Variants in P4HA3 observed in about 807,000 individuals in gnomAD.
The protein encoded by P4HA3 is prolyl 4-hydroxylase subunit alpha-3.
P4HA3 carries 60 observed loss-of-function variants against 66.7 expected under a neutral mutation model. The observed-to-expected ratio is 0.90, with a 90% CI of 0.73 to 1.12. P4HA3 has a LOEUF of 1.12. P4HA3 is among the 50% of genes most tolerant of loss of function. The probability of loss-of-function intolerance (pLI) is 0.00; values close to 1 mark genes in which losing one functional copy is unlikely to be tolerated. For missense variants in P4HA3, 683 were observed against 685.8 expected, an observed-to-expected ratio of 1.00 and a Z score of 0.05; for synonymous variants, 263 against 274.6, an observed-to-expected ratio of 0.96 and a Z score of 0.42.
At chr11:74,289,914 G>A (rs1860951236) in intron 4 of P4HA3, among the ~76,000 whole-genome samples, 1 of 152,160 alleles carries the variant, frequency 6.6e-6, no homozygotes, top group Non-Finnish European at 1.5e-5. Context: ...ACATGTGCAT[G>A]TGTCTTTATA....
intron 1 of P4HA3, among the ~76,000 whole-genome samples, chr11:74,306,931 G>T (rs568644548): frequency 6.6e-6 from 1 of 152,150 alleles, no homozygotes; most frequent in East Asian, 1.9e-4. Context: ...CAGCCTCCAG[G>T]GTGTGGGATC....
At chr11:74,283,594 T>C (rs1240093887) in intron 7 of P4HA3, among the ~76,000 whole-genome samples, 1 of 152,226 alleles carries the variant, frequency 6.6e-6, no homozygotes, top group Non-Finnish European at 1.5e-5. Flanking sequence ...CTCCCCGGCA[T>C]GGCATTTATA....
At chr11:74,250,978 C>A (rs1191482186) in intron 15 of P4HA3, 5 of 1,602,056 alleles carry the variant, frequency 3.1e-6, no homozygotes, top group Non-Finnish European at 4.3e-6. Flanking sequence ...CAGGTCCTAC[C>A]CCAGTGTGGC....
At chr11:74,293,578 C>A (rs1454209529) in intron 4 of P4HA3, among the ~76,000 whole-genome samples, 12 of 152,194 alleles carry the variant, frequency 7.9e-5, no homozygotes, top group Non-Finnish European at 1.5e-4. Flanking sequence ...TTTGCAGTGG[C>A]TGGTACCAGT....
chr11:74,264,183 A>G (rs779098298), downstream of P4HA3, among the ~76,000 whole-genome samples: 13 of 151,866 alleles, frequency 8.6e-5, no homozygotes, highest in Non-Finnish European at 1.5e-4. Flanking sequence ...AAGACTGGTA[A>G]GGGAGACAGA....
At chr11:74,285,641 C>T in intron 7 of P4HA3, 168 bp downstream of exon 7, 2 of 659,872 alleles carry the variant, frequency 3.0e-6, no homozygotes, top group Non-Finnish European at 5.1e-6. Flanking sequence ...GAGGCAAGCA[C>T]TATTGTGATT....
intron 3 of P4HA3, among the ~76,000 whole-genome samples, chr11:74,300,509 C>G (rs1861372859): frequency 6.6e-6 from 1 of 152,030 alleles, no homozygotes; most frequent in Non-Finnish European, 1.5e-5. Context: ...GTCCTAGCTA[C>G]TCGGGAGGCT....
intron 15 of P4HA3, chr11:74,251,008 C>T (rs763885308): frequency 1.3e-5 from 20 of 1,596,510 alleles, no homozygotes; most frequent in Non-Finnish European, 1.7e-5. Context: ...CATGAGGATG[C>T]CCCTGACAAG....
chr11:74,268,065 T>C, intron 12 of P4HA3, 80 bp downstream of exon 12: 2 of 1,203,772 alleles, frequency 1.7e-6, no homozygotes, highest in Admixed American at 1.8e-5. Context: ...GGGATGGCTG[T>C]GGTAGGTCCC....
chr11:74,295,964 G>A (rs1231128837), intron 4 of P4HA3, among the ~76,000 whole-genome samples: 1 of 152,150 alleles, frequency 6.6e-6, no homozygotes, highest in African/African-American at 2.4e-5. Context: ...TGAGAGTCTT[G>A]TAATAAAGTA....
rs949602169 is a variant in P4HA3 at position 74,311,569 on chromosome 11, CCAGCACCGCCAG to C, written c.31_42del (p.Leu11_Leu14del). ...CTTTCTGGGTCTCCTGTCCCGAGCG[CCAGCACCGCCAG>C]CAGCGCCGCCAGCCGCGCCCCAGGA... On this transcript the variant is annotated inframe_deletion, in exon 1 of 13. Coordinates refer to ENST00000331597, the MANE Select transcript of P4HA3 (RefSeq NM_182904.5). 9 of 1,533,718 alleles carry C rather than the reference CCAGCACCGCCAG, an allele frequency of 5.9e-6. No homozygotes were observed. The highest frequency in any genetic ancestry group is 2.9e-5 in the African/African-American group (2 of 69,994).
At chr11:74,271,404 C>G (rs4121668) in intron 10 of P4HA3, among the ~76,000 whole-genome samples, 1 of 152,032 alleles carries the variant, frequency 6.6e-6, no homozygotes, top group African/African-American at 2.4e-5. Flanking sequence ...ATAGCCAACA[C>G]ATTAAAAAGA....
intron 5 of P4HA3, among the ~76,000 whole-genome samples, chr11:74,287,503 G>C (rs1350935501): frequency 1.3e-5 from 2 of 152,122 alleles, no homozygotes; most frequent in African/African-American, 4.8e-5. Context: ...AATAGATCAA[G>C]TGCAAATAAA....
chr11:74,268,356 G>T, intron 11 of P4HA3, 115 bp from the exon 12 acceptor site: 1 of 849,338 alleles, frequency 1.2e-6, no homozygotes, highest in Non-Finnish European at 1.9e-6. Flanking sequence ...CATGCAGTCT[G>T]GGGGCAATGC....
intron 4 of P4HA3, among the ~76,000 whole-genome samples, chr11:74,297,728 A>C (rs1392149446): frequency 6.6e-6 from 1 of 152,202 alleles, no homozygotes; most frequent in African/African-American, 2.4e-5. Flanking sequence ...ACCAGACAGG[A>C]GTCACATTAC....
intron 15 of P4HA3, chr11:74,250,521 A>G (rs1287363210): frequency 6.3e-6 from 1 of 159,876 alleles, no homozygotes; most frequent in Non-Finnish European, 1.4e-5. Context: ...CTTGTATTCC[A>G]AGCCATTTCA....
intron 4 of P4HA3, among the ~76,000 whole-genome samples, chr11:74,294,130 G>A (rs1861131760): frequency 6.6e-6 from 1 of 152,110 alleles, no homozygotes. Context: ...ATATTTCTTG[G>A]ATGCTTTGTT....
At chr11:74,305,703 C>G (rs1459781127) in intron 1 of P4HA3, among the ~76,000 whole-genome samples, 1 of 152,102 alleles carries the variant, frequency 6.6e-6, no homozygotes, top group East Asian at 1.9e-4. Context: ...GATACAAAGG[C>G]AAGACGAGGT....
In P4HA3 at chr11:74,311,401, C is replaced by T. The variant is rs1861741660; in HGVS notation, c.200+11G>A. The T allele has an allele frequency of 4.7e-6, 7 of 1,496,874 alleles. No individual in the cohort carries two copies. Among genetic ancestry groups the T allele is most frequent in the South Asian group, 1.3e-5 (1 of 76,850 alleles). 92.7% of individuals were successfully genotyped at this position (1,496,874 alleles called of 1,614,324 possible). On this transcript the variant is annotated intron_variant, in intron 1 of 12. Coordinates refer to ENST00000331597, the MANE Select transcript of P4HA3 (RefSeq NM_182904.5). ...AGGCCCCTCGGTCGCTCCCACTCGT[C>T]GTGCCCTCACCTAGTCAGGTCCCGC...
Sources: gnomAD v4.1 joint callset for allele counts (sites outside exome capture counted in the v4.1 genomes callset) on GRCh38, gnomAD v4.1.1 for gene constraint, MANE v1.5 for transcripts, NCBI Gene and HGNC (gene_info 2026-07-23, HGNC 2026-07-21) for gene names.